Variants in KLF8 observed in about 807,000 individuals in gnomAD.
KLF8 encodes the protein Krueppel-like factor 8.
A neutral mutation model predicts 18.2 loss-of-function variants in KLF8; 10 were observed. The ratio of observed to expected loss-of-function variants is 0.55; its 90% CI spans 0.34 to 0.93. The LOEUF is 0.93. KLF8 is among the 40% of genes least tolerant of loss of function. The pLI is 0.02. For synonymous variants in KLF8, 109 were observed against 97.3 expected (o/e 1.12, Z -0.71); for missense variants, 264 against 277.9 (o/e 0.95, Z 0.36).
At chrX:55,987,108 A>C in the KLF8 span, among the ~76,000 whole-genome samples, 1 of 110,477 alleles carries the variant, frequency 9.1e-6, no homozygotes, top group Non-Finnish European at 1.9e-5. Flanking sequence ...TTATGGTAGA[A>C]TGATTTCTAT....
chrX:56,181,488 G>T, the KLF8 span, among the ~76,000 whole-genome samples: 1 of 111,566 alleles, frequency 9.0e-6, no homozygotes, highest in Non-Finnish European at 1.9e-5. Flanking sequence ...TGTTATATGT[G>T]AATTTGATCC....
At chrX:55,961,711 T>C in the KLF8 span, 1 of 388,953 alleles carries the variant, frequency 2.6e-6, no homozygotes. Flanking sequence ...TCAGGGATGC[T>C]GGCATGCAGC....
At chrX:56,213,777 C>T in the KLF8 span, among the ~76,000 whole-genome samples, 7 of 111,636 alleles carry the variant, frequency 6.3e-5, no homozygotes, top group Non-Finnish European at 1.1e-4. Context: ...TTAGCTTTGC[C>T]ATCTGCAGAT....
chrX:56,184,712 T>A, the KLF8 span, among the ~76,000 whole-genome samples: 1 of 111,507 alleles, frequency 9.0e-6, no homozygotes, highest in Non-Finnish European at 1.9e-5. Flanking sequence ...GCATTCGTGG[T>A]TCATGAAATT....
At chrX:56,128,571 A>C in the KLF8 span, among the ~76,000 whole-genome samples, 1 of 111,729 alleles carries the variant, frequency 9.0e-6, no homozygotes, top group African/African-American at 3.3e-5. Context: ...AAGTATGTCC[A>C]TATTTGACAT....
the KLF8 span, among the ~76,000 whole-genome samples, chrX:55,943,308 T>C: frequency 5.5e-5 from 6 of 110,024 alleles, no homozygotes; most frequent in Admixed American, 5.9e-4. Flanking sequence ...ATCATTAGGA[T>C]AGAGATGGTA....
the KLF8 span, among the ~76,000 whole-genome samples, chrX:55,986,870 T>G: frequency 1.8e-5 from 2 of 111,651 alleles, no homozygotes; most frequent in African/African-American, 6.5e-5. Flanking sequence ...TCAAATAACA[T>G]GTAGTATCTG....
the KLF8 span, among the ~76,000 whole-genome samples, chrX:55,950,968 C>T: frequency 8.9e-6 from 1 of 111,742 alleles, no homozygotes; most frequent in Non-Finnish European, 1.9e-5. Flanking sequence ...TGTTATGACA[C>T]TGCCATTGGC....
the KLF8 span, among the ~76,000 whole-genome samples, chrX:56,130,250 G>C: frequency 9.0e-6 from 1 of 111,553 alleles, no homozygotes; most frequent in African/African-American, 3.3e-5. Context: ...CACTCACAGA[G>C]TCCATTTCAC....
At chrX:56,042,638 G>A in the KLF8 span, among the ~76,000 whole-genome samples, 2 of 111,549 alleles carry the variant, frequency 1.8e-5, no homozygotes, top group African/African-American at 6.5e-5. Flanking sequence ...AAGTTTCTTT[G>A]GTCAGAAACT....
intron 3 of KLF8, chrX:56,268,897 A>G: frequency 1.1e-6 from 1 of 941,649 alleles, no homozygotes; most frequent in Non-Finnish European, 1.3e-6. Flanking sequence ...CATCTCATTG[A>G]CTTATTTCTG....
At chrX:56,052,224 A>G in the KLF8 span, among the ~76,000 whole-genome samples, 1 of 110,945 alleles carries the variant, frequency 9.0e-6, no homozygotes, top group African/African-American at 3.3e-5. Context: ...ATGTCCTCCC[A>G]TAGCTCAGAG....
the KLF8 span, among the ~76,000 whole-genome samples, chrX:56,148,245 G>T: frequency 9.0e-6 from 1 of 111,063 alleles, no homozygotes; most frequent in Non-Finnish European, 1.9e-5. Flanking sequence ...ACATAATAAA[G>T]CAAAATATGA....
At chrX:55,931,743 G>T in the KLF8 span, among the ~76,000 whole-genome samples, 1 of 110,198 alleles carries the variant, frequency 9.1e-6, no homozygotes, top group Non-Finnish European at 1.9e-5. Flanking sequence ...AGACTGTTAT[G>T]ATTTCTGTCC....
At chrX:56,084,424 G>T in the KLF8 span, among the ~76,000 whole-genome samples, 1 of 110,910 alleles carries the variant, frequency 9.0e-6, no homozygotes, top group African/African-American at 3.3e-5. Context: ...GAAATTCTTT[G>T]CTCTCTGCAA....
chrX:56,034,599 G>T, the KLF8 span, among the ~76,000 whole-genome samples: 1 of 110,306 alleles, frequency 9.1e-6, no homozygotes, highest in African/African-American at 3.3e-5. Context: ...ATAAGATCAG[G>T]GTAACTAACA....
the KLF8 span, among the ~76,000 whole-genome samples, chrX:55,997,189 G>T: frequency 1.8e-5 from 2 of 111,931 alleles, no homozygotes; most frequent in Non-Finnish European, 3.8e-5. Context: ...CATCACACCA[G>T]CTCTATCCCA....
chrX:56,092,231 T>C, the KLF8 span, among the ~76,000 whole-genome samples: 1 of 111,742 alleles, frequency 8.9e-6, no homozygotes, highest in Non-Finnish European at 1.9e-5. Flanking sequence ...CCCTGTTAGA[T>C]AAATAACTTG....
intron 1 of KLF8, chrX:56,242,993 G>A (rs1205215427): frequency 8.2e-6 from 4 of 488,028 alleles, no homozygotes; most frequent in African/African-American, 2.4e-5. Context: ...GGAGCCAGTC[G>A]AACGTATGCC....
Sources: gnomAD v4.1 joint callset for allele counts (sites outside exome capture counted in the v4.1 genomes callset) on GRCh38, gnomAD v4.1.1 for gene constraint, MANE v1.5 for transcripts, NCBI Gene and HGNC (gene_info 2026-07-23, HGNC 2026-07-21) for gene names.